SZT2: variants seen among roughly 807,000 people sequenced by gnomAD.
SZT2 encodes SZT2 subunit of KICSTOR complex.
In SZT2, 216 loss-of-function variants were observed where a neutral mutation model predicts 404.2. The ratio of observed to expected loss-of-function variants is 0.53; its 90% CI spans 0.48 to 0.60. SZT2 has a LOEUF of 0.60. Ranked by LOEUF, SZT2 falls within the 20% of genes least tolerant of loss-of-function variation. SZT2 has a pLI of 0.00. For synonymous variants in SZT2, 1,693 were observed against 1,749.9 expected (o/e 0.97, Z 0.81); for missense variants, 3,857 against 4,459.2 (o/e 0.86, Z 3.85).
rs375487149 is a variant in SZT2 at position 43,431,340 on chromosome 1, C to T, written c.4992C>T (p.Leu1664=). Reference sequence around the variant, plus strand: ...CATCTTTAAGGTCAGATGATGGCCTCGGGCCCCCACTGCCACCCCCAGAAG... The same window carrying T: ...CATCTTTAAGGTCAGATGATGGCCTTGGGCCCCCACTGCCACCCCCAGAAG... ...QPSSLRSDDG[L]GPPLPPPEEE... is the part of the protein sequence containing the mutation. Residue 1664 remains leucine, a synonymous_variant, in exon 34 of 72, where the codon CTC becomes CTT. Coordinates refer to ENST00000634258, the MANE Select transcript of SZT2 (RefSeq NM_001365999.1). The T allele has an allele frequency of 5.0e-6, 8 of 1,612,534 alleles. No homozygotes were observed. The highest frequency in any genetic ancestry group is 4.0e-5 in the African/African-American group (3 of 74,840).
rs777653128 is a variant in SZT2 at position 43,442,258 on chromosome 1, C to T, written c.7874-10C>T. ...CCAGGCCCCTATTGTGCCCCTCCCC[C>T]ACCCTGTAGCTGCCAAAGCCATGCA... On this transcript the variant is annotated splice_polypyrimidine_tract_variant and intron_variant, in intron 56 of 71. Transcript: ENST00000634258. This position sits in a 1 kb window ranked among gnomAD's most constrained non-coding sequence, Gnocchi z 4.5. 3 of 1,611,142 alleles carry T rather than the reference C, an allele frequency of 1.9e-6. No individual in the cohort carries two copies. The highest frequency in any genetic ancestry group is 1.7e-5 in the Admixed American group (1 of 59,764).
In SZT2 at chr1:43,437,040, C is replaced by A; in HGVS notation, c.6035-131C>A. The stretch of plus-strand genomic sequence containing the variant: ...GCCCTGTCGTGTTACCCAGAATGAT[C>A]ATCATTTCTCTGCAATAGTCAGGGA... On this transcript the variant is annotated intron_variant, in intron 42 of 71. Coordinates refer to ENST00000634258, the MANE Select transcript of SZT2 (RefSeq NM_001365999.1). The surrounding 1 kb of genome is among the most constrained non-coding windows in gnomAD (Gnocchi z 5.3). The A allele has an allele frequency of 8.1e-7, 1 of 1,233,152 alleles. No homozygotes were observed. Among genetic ancestry groups the A allele is most frequent in the Non-Finnish European group, 1.1e-6 (1 of 877,898 alleles). The allele number at this position is 1,233,152 out of a possible 1,614,324, so 76.4% of individuals were successfully genotyped here. A position where few individuals can be genotyped will look rare whatever the true frequency, so the allele number is the denominator to read the frequency against.
rs1651671541 is a variant in SZT2 at position 43,415,957 on chromosome 1, C to T, written c.631-3C>T. ...ATTCTGTCTTTTCTGTAACTTGGGG[C>T]AGGCAGAAGACCAGTCCCCAGACTC... is the stretch of plus-strand genomic sequence containing the variant. On this transcript the variant is annotated splice_region_variant and splice_polypyrimidine_tract_variant and intron_variant, in intron 5 of 71. Coordinates refer to ENST00000634258, the MANE Select transcript of SZT2 (RefSeq NM_001365999.1). 3 of 1,595,628 alleles carry T rather than the reference C, an allele frequency of 1.9e-6. No individual in the cohort carries two copies. The highest frequency in any genetic ancestry group is 2.2e-5 in the East Asian group (1 of 44,828).
chr1:43,414,281 A>AAAAC (rs768014487), intron 4 of SZT2, among the ~76,000 whole-genome samples: 4 of 152,224 alleles, frequency 2.6e-5, no homozygotes, highest in Non-Finnish European at 2.9e-5. Flanking sequence ...CTGTCTCAAA[A>AAAAC]AAACAAACAA....
chr1:43,453,744 A>AT lies in SZT2; in HGVS notation c.*3264_*3265insT. Reference sequence around the variant, plus strand: ...CCGCACCCGCGCGGGGAGGCCGGAGAGCTCGGGGAATAGCCAGGACAGATT... The same window carrying AT: ...CCGCACCCGCGCGGGGAGGCCGGAGATGCTCGGGGAATAGCCAGGACAGATT... On this transcript the variant is annotated 3_prime_UTR_variant, in exon 72 of 72. Coordinates refer to ENST00000634258, the MANE Select transcript of SZT2 (RefSeq NM_001365999.1). 7.2e-7 allele frequency: 1 copy of AT among 1,381,018 alleles called. No individual in the cohort carries two copies. Among genetic ancestry groups the AT allele is most frequent in the East Asian group, 3.0e-5 (1 of 33,320 alleles). The allele number at this position is 1,381,018 out of a possible 1,614,324, so 85.5% of individuals were successfully genotyped here.
In SZT2 at chr1:43,424,345, A is replaced by G. The variant is rs1179771163; in HGVS notation, c.2384A>G (p.His795Arg). The change falls in exon 16 of 72, where the codon CAT (histidine) becomes CGT (arginine). Residue 795 changes from histidine to arginine, a missense_variant. Around this residue, in one of 7 missense-constraint regions of SZT2, gnomAD observed 1,725 missense variants for 1,881.0 expected, o/e 0.92. Coordinates refer to ENST00000634258, the MANE Select transcript of SZT2 (RefSeq NM_001365999.1). This position sits in a 1 kb window ranked among gnomAD's most constrained non-coding sequence, Gnocchi z 4.1. ...GCGTCACTGTCCCGCTACCTCTACC[A>G]TCAGCGCTGGCTTTGGAGTGTCCCG... The part of the protein sequence containing the change: ...SLASLSRYLY[H>R]QRWLWSVPSG... 2 of 1,597,958 alleles carry G rather than the reference A, an allele frequency of 1.3e-6. No homozygotes were observed. Among genetic ancestry groups the G allele is most frequent in the African/African-American group, 1.3e-5 (1 of 74,842 alleles).
Position 43,450,369 on chromosome 1 carries a change from A to C in SZT2, c.10188A>C (p.Pro3396=). 6.2e-7 allele frequency: 1 copy of C among 1,613,834 alleles called. No individual in the cohort carries two copies. The highest frequency in any genetic ancestry group is 8.5e-7 in the Non-Finnish European group (1 of 1,179,942). ...SLTVVFREPF[P]VQPQDSESPP... ...CAGTGGTTTTCCGAGAGCCCTTCCC[A>C]GTACAGCCCCAGGACAGCGAGAGCC... Residue 3396 remains proline (P), a synonymous_variant, in exon 72 of 72, where the codon CCA becomes CCC. Coordinates refer to ENST00000634258, the MANE Select transcript of SZT2 (RefSeq NM_001365999.1). This position sits in a 1 kb window ranked among gnomAD's most constrained non-coding sequence, Gnocchi z 4.3.
In SZT2 at chr1:43,427,061, A is replaced by G. The variant is rs769531559; in HGVS notation, c.3315A>G (p.Val1105=). ...TTTCTGTTTTTCTCTTACAGAGTGT[A>G]GGTCTTCCTGAAACTCTCAAGCCTC... The part of the protein sequence containing the change: ...TGDSAFTSLS[V]GLPETLKPLI... The change falls in exon 24 of 72, where the codon GTA becomes GTG. Residue 1105 remains valine, a synonymous_variant. Transcript: ENST00000634258. 9 of 1,614,206 alleles carry G rather than the reference A, an allele frequency of 5.6e-6. No homozygotes were observed. In the East Asian group the frequency reaches 1.6e-4, roughly 28 times the overall value.
At position 43,424,326 on chromosome 1, in the gene SZT2, C is replaced by T. The variant is rs1171977433; in HGVS notation, c.2365C>T (p.Leu789=). The T allele has an allele frequency of 6.3e-7, 1 of 1,598,004 alleles. No homozygotes were observed. Among genetic ancestry groups the T allele is most frequent in the African/African-American group, 1.3e-5 (1 of 74,846 alleles). ...GRSASSSLAS[L]SRYLYHQRWL... ...CTCAGCCTCTTCTAGCCTGGCGTCA[C>T]TGTCCCGCTACCTCTACCATCAGCG... Residue 789 remains leucine (L), a synonymous_variant, in exon 16 of 72, where the codon CTG becomes TTG. Transcript: ENST00000634258. This position sits in a 1 kb window ranked among gnomAD's most constrained non-coding sequence, Gnocchi z 4.1.
chr1:43,434,416 C>T lies in SZT2; in HGVS notation c.5835C>T (p.Gly1945=). ...RSLIREDGGP[G]TECRHLQQLL... The stretch of plus-strand genomic sequence containing the variant: ...TGATTCGGGAGGATGGGGGGCCGGG[C>T]ACTGAGTGTCGCCACCTGCAGCAGC... Residue 1945 remains glycine, a synonymous_variant, in exon 41 of 72, where the codon GGC becomes GGT. Transcript: ENST00000634258. The T allele has an allele frequency of 6.3e-7, 1 of 1,598,144 alleles. No individual in the cohort carries two copies. Among genetic ancestry groups the T allele is most frequent in the Non-Finnish European group, 8.5e-7 (1 of 1,174,060 alleles).
intron 28 of SZT2, 85 bp from the exon 29 acceptor site, chr1:43,429,618 C>G (rs1653611527): frequency 6.4e-7 from 1 of 1,564,494 alleles, no homozygotes; most frequent in Non-Finnish European, 8.8e-7. Flanking sequence ...AAAAAGGCTT[C>G]CTGTGCTGCT....
At chr1:43,440,708 G>T in intron 52 of SZT2, 122 bp downstream of exon 52, 1 of 1,300,794 alleles carries the variant, frequency 7.7e-7, no homozygotes, top group Non-Finnish European at 1.0e-6. Flanking sequence ...ATATAAAACT[G>T]CTCTGTCCTG....
chr1:43,441,584 A>C lies in SZT2; in HGVS notation c.7592A>C (p.Glu2531Ala). ...VFARVAQRWMEFMVQIGCASV... is the reference protein window; with the variant it reads ...VFARVAQRWMAFMVQIGCASV... ...GCCCGTGTTGCTCAGCGCTGGATGG[A>C]GTTTATGGTTCAGATTGGTGAGACC... is the stretch of plus-strand genomic sequence containing the variant. Residue 2531 changes from glutamate (E) to alanine (A), a missense_variant, in exon 54 of 72, where the codon GAG becomes GCG. Physicochemically the swap from Glu to Ala is moderately radical, Grantham distance 107 (BLOSUM62 -1). Coordinates refer to ENST00000634258, the MANE Select transcript of SZT2 (RefSeq NM_001365999.1). The surrounding 1 kb of genome is among the most constrained non-coding windows in gnomAD (Gnocchi z 4.8). The C allele has an allele frequency of 6.2e-7, 1 of 1,613,964 alleles. No homozygotes were observed.
chr1:43,440,548 C>G lies in SZT2; in HGVS notation c.7306C>G (p.Pro2436Ala). 2 of 1,607,458 alleles carry G rather than the reference C, an allele frequency of 1.2e-6. No homozygotes were observed. Among genetic ancestry groups the G allele is most frequent in the Non-Finnish European group, 1.7e-6 (2 of 1,176,956 alleles). Residue 2436 changes from proline (P) to alanine (A), a missense_variant, in exon 52 of 72, where the codon CCC becomes GCC. Physicochemically the swap from Pro to Ala is conservative, Grantham distance 27. Coordinates refer to ENST00000634258, the MANE Select transcript of SZT2 (RefSeq NM_001365999.1). ...APVPGEPVTP[P>A]SKAGRRSFWD... ...TGTCCCTGGGGAGCCTGTGACTCCA[C>G]CCAGCAAAGCGGGCCGGCGTAGCTT... is the stretch of plus-strand genomic sequence containing the variant.
At chr1:43,404,272 C>T (rs376978009) in intron 3 of SZT2, 108 bp from the exon 4 acceptor site, 175 of 932,086 alleles carry the variant, frequency 1.9e-4, no homozygotes, top group African/African-American at 2.6e-4. Flanking sequence ...TTTGGGTGTG[C>T]GATCATCCAT....
In SZT2 at chr1:43,442,493, C is replaced by T. The variant is rs1655174244; in HGVS notation, c.8026C>T (p.Arg2676Ter). 1.2e-6 allele frequency: 2 copies of T among 1,614,120 alleles called. No individual in the cohort carries two copies. Among genetic ancestry groups the T allele is most frequent in the Non-Finnish European group, 1.7e-6 (2 of 1,179,992 alleles). The change falls in exon 58 of 72, where the codon CGA becomes TGA. Residue 2676 changes from arginine (R) to a stop codon, truncating the protein, a stop_gained. Transcript: ENST00000634258. LOFTEE classifies it high-confidence loss of function. This position sits in a 1 kb window ranked among gnomAD's most constrained non-coding sequence, Gnocchi z 4.5. ...WAPDLGAALG[R>*]ALVRLVQWQN... ...TCCAGACCTGGGGGCAGCATTGGGC[C>T]GAGCGCTGGTTCGCCTGGTGCAGTG... is the stretch of plus-strand genomic sequence containing the variant.
chr1:43,443,463 C>T lies in SZT2; in HGVS notation c.8611C>T (p.Pro2871Ser). ...WLHGPPETSG[P>S]PDGQRRHRPE... ...GCATGGGCCCCCAGAGACCTCTGGA[C>T]CCCCTGACGGGCAGGTAAGGCTGAC... The change falls in exon 61 of 72, where the codon CCC becomes TCC. Residue 2871 changes from proline (P) to serine (S), a missense_variant. Physicochemically the swap from Pro to Ser is moderately conservative, Grantham distance 74. Transcript: ENST00000634258. The T allele has an allele frequency of 6.2e-7, 1 of 1,614,188 alleles. No homozygotes were observed. Among genetic ancestry groups the T allele is most frequent in the Non-Finnish European group, 8.5e-7 (1 of 1,180,014 alleles).
intron 1 of SZT2, among the ~76,000 whole-genome samples, chr1:43,398,943 G>A (rs906106056): frequency 2.0e-5 from 3 of 152,096 alleles, no homozygotes; most frequent in African/African-American, 7.2e-5. Context: ...AGCCAGGCAT[G>A]GTGGCATGCC....
At chr1:43,432,052 T>C in intron 36 of SZT2, 151 bp downstream of exon 36, 1 of 1,179,098 alleles carries the variant, frequency 8.5e-7, no homozygotes, top group Admixed American at 2.3e-5. Flanking sequence ...CTAACCCCTG[T>C]GCTTGGCAGC....
Sources: gnomAD v4.1 joint callset for allele counts (sites outside exome capture counted in the v4.1 genomes callset) on GRCh38, gnomAD v4.1.1 for gene constraint, gnomAD v4.1.1 regional missense constraint, Gnocchi (gnomAD v3.1) non-coding constraint, MANE v1.5 for transcripts, NCBI Gene and HGNC (gene_info 2026-07-23, HGNC 2026-07-21) for gene names.